Variants in LIFR observed in about 807,000 individuals in gnomAD.
LIFR encodes the protein leukemia inhibitory factor receptor.
A neutral mutation model predicts 122.2 loss-of-function variants in LIFR; 84 were observed. The observed-to-expected ratio is 0.69, with a 90% CI of 0.58 to 0.82. LIFR has a LOEUF of 0.82. Among genes scored for constraint, LIFR ranks in the 40% least tolerant of loss-of-function variants. LIFR has a pLI of 0.00. For synonymous variants in LIFR, 422 were observed against 434.7 expected (o/e 0.97, Z 0.36); for missense variants, 1,294 against 1,311.6 (o/e 0.99, Z 0.21).
chr5:38,569,520 G>T (rs1749139859), intron 1 of LIFR, among the ~76,000 whole-genome samples: 1 of 152,196 alleles, frequency 6.6e-6, no homozygotes, highest in Admixed American at 6.5e-5. Flanking sequence ...ACATGTAAGG[G>T]ATCTAGGTTG....
intron 2 of LIFR, among the ~76,000 whole-genome samples, chr5:38,601,218 G>T (rs377149234): frequency 1.3e-5 from 2 of 152,170 alleles, no homozygotes; most frequent in African/African-American, 4.8e-5. Flanking sequence ...TTTCTGCCAC[G>T]TGAGGACACA....
rs2731964 is a variant in LIFR at position 38,479,985 on chromosome 5, A to C, written c.*1610T>G. Reference sequence around the variant, plus strand: ...ATCAGGATTCATACACAGAGAACCTAAATAGATTTTGTCACTTGTCACTCT... The same window carrying C: ...ATCAGGATTCATACACAGAGAACCTCAATAGATTTTGTCACTTGTCACTCT... On this transcript the variant is annotated 3_prime_UTR_variant, in exon 20 of 20. Coordinates refer to ENST00000453190, the MANE Select transcript of LIFR (RefSeq NM_001127671.2). The C allele has an allele frequency of 7.2e-3, 1,622 of 224,232 alleles. 27 individuals are homozygous for C. Among genetic ancestry groups the C allele is most frequent in the African/African-American group, 0.034 (1,531 of 44,892 alleles). The allele number at this position is 224,232 out of a possible 1,614,324, so 13.9% of individuals were successfully genotyped here.
At chr5:38,543,847 T>C (rs927085254) in intron 1 of LIFR, among the ~76,000 whole-genome samples, 11 of 152,208 alleles carry the variant, frequency 7.2e-5, no homozygotes, top group Admixed American at 6.5e-4. Flanking sequence ...ACTTTCTACC[T>C]GACTTTTCTC....
intron 5 of LIFR, among the ~76,000 whole-genome samples, chr5:38,514,921 T>C (rs1466030689): frequency 1.3e-5 from 2 of 152,204 alleles, no homozygotes; most frequent in Non-Finnish European, 2.9e-5. Flanking sequence ...CTTTGAATTC[T>C]GGTATCTAAG....
intron 5 of LIFR, among the ~76,000 whole-genome samples, chr5:38,516,236 C>G (rs1746074011): frequency 6.6e-6 from 1 of 152,066 alleles, no homozygotes. Context: ...TCAGAGTGTC[C>G]CTCTTTAATT....
At chr5:38,587,421 T>A (rs1458684102) in intron 1 of LIFR, among the ~76,000 whole-genome samples, 1 of 150,684 alleles carries the variant, frequency 6.6e-6, no homozygotes, top group Non-Finnish European at 1.5e-5. Context: ...TGAGACAAGA[T>A]GCTGTTGGAC....
rs2112393633 is a variant in LIFR, at chr5:38,489,246, C to T, written c.2168-1G>A. The T allele has an allele frequency of 6.2e-7, 1 of 1,611,146 alleles. No individual in the cohort carries two copies. The highest frequency in any genetic ancestry group is 8.5e-7 in the Non-Finnish European group (1 of 1,178,628). On this transcript the variant is annotated splice_acceptor_variant, in intron 15 of 19. Coordinates refer to ENST00000453190, the MANE Select transcript of LIFR (RefSeq NM_001127671.2). LOFTEE classifies it high-confidence loss of function. ...GTAAAATTTGGTGCAACAATGGGAG[C>T]TGTAAAAGGAAAAAGTCAATTGCTA...
intron 5 of LIFR, among the ~76,000 whole-genome samples, chr5:38,517,856 C>CGAAAAAAAAAAAA (rs1746174413): frequency 6.6e-5 from 1 of 15,048 alleles, no homozygotes; most frequent in African/African-American, 4.4e-4. Flanking sequence ...GACACTGTCT[C>CGAAAAAAAAAAAA]AAAAAAAAAA....
chr5:38,580,303 A>G (rs959828976), intron 1 of LIFR, among the ~76,000 whole-genome samples: 11 of 152,128 alleles, frequency 7.2e-5, no homozygotes, highest in African/African-American at 1.9e-4. Context: ...TGCCACAAAC[A>G]GAGGTGGCTG....
At chr5:38,483,013 G>A (rs1328019320) in intron 18 of LIFR, among the ~76,000 whole-genome samples, 1 of 152,164 alleles carries the variant, frequency 6.6e-6, no homozygotes, top group Non-Finnish European at 1.5e-5. Flanking sequence ...TTACTGAGGT[G>A]GTTAAAAAGG....
rs748647105 is a variant in LIFR, at chr5:38,493,674, C to A, written c.1997G>T (p.Arg666Leu). 6 of 1,614,008 alleles carry A rather than the reference C, an allele frequency of 3.7e-6. No individual in the cohort carries two copies. Among genetic ancestry groups the A allele is most frequent in the South Asian group, 3.3e-5 (3 of 91,076 alleles). Reference sequence around the variant, plus strand: ...CCAGTCCATAAGGCATGGTTCCGACCGAGACGAGTTACACCACTTAATGAC... The same window carrying A: ...CCAGTCCATAAGGCATGGTTCCGACAGAGACGAGTTACACCACTTAATGAC... ...DYVIKWCNSS[R>L]SEPCLMDWRK... Residue 666 changes from arginine (R) to leucine (L), a missense_variant, in exon 14 of 20, where the codon CGG (arginine) becomes CTG (leucine). Transcript: ENST00000453190.
chr5:38,585,195 T>C (rs976883960), intron 1 of LIFR, among the ~76,000 whole-genome samples: 1 of 152,176 alleles, frequency 6.6e-6, no homozygotes, highest in Admixed American at 6.5e-5. Context: ...AGAAAAACAG[T>C]ACAACATACT....
intron 1 of LIFR, among the ~76,000 whole-genome samples, chr5:38,546,383 T>C (rs1216083397): frequency 6.6e-6 from 1 of 152,352 alleles, no homozygotes; most frequent in South Asian, 2.1e-4. Flanking sequence ...GCTTTGCCTT[T>C]AGATGTGTTT....
chr5:38,596,824 G>C (rs1750109808), upstream of LIFR, among the ~76,000 whole-genome samples: 2 of 151,882 alleles, frequency 1.3e-5, no homozygotes, highest in Non-Finnish European at 2.9e-5. Flanking sequence ...CTCATTTTTG[G>C]CGGTGACCTG....
At chr5:38,520,123 C>T (rs1303747663) in intron 5 of LIFR, among the ~76,000 whole-genome samples, 1 of 152,096 alleles carries the variant, frequency 6.6e-6, no homozygotes, top group African/African-American at 2.4e-5. Context: ...CACATCCTCA[C>T]CAATATATAA....
intron 1 of LIFR, among the ~76,000 whole-genome samples, chr5:38,567,098 A>T (rs528775919): frequency 6.6e-6 from 1 of 152,314 alleles, no homozygotes; most frequent in African/African-American, 2.4e-5. Context: ...CCAGCTCCTT[A>T]GGTCCAATTC....
chr5:38,567,547 G>A (rs200837927), intron 1 of LIFR, among the ~76,000 whole-genome samples: 1 of 25,106 alleles, frequency 4.0e-5, no homozygotes, highest in Non-Finnish European at 1.0e-4. Flanking sequence ...TATTTATTTT[G>A]AAGACTGAGT....
chr5:38,544,467 T>C (rs762687360), intron 1 of LIFR, among the ~76,000 whole-genome samples: 1 of 152,070 alleles, frequency 6.6e-6, no homozygotes, highest in Non-Finnish European at 1.5e-5. Context: ...ATTCCTATCA[T>C]GGGGAATCAC....
At chr5:38,500,959 A>G (rs1457203699) in intron 11 of LIFR, among the ~76,000 whole-genome samples, 3 of 152,140 alleles carry the variant, frequency 2.0e-5, no homozygotes. Context: ...AGGCCTAGAG[A>G]GAGGCCCACA....
Sources: allele counts gnomAD v4.1 joint callset (sites outside exome capture counted in the v4.1 genomes callset), GRCh38; gene constraint gnomAD v4.1.1; transcripts MANE v1.5; gene names NCBI Gene and HGNC (gene_info 2026-07-23, HGNC 2026-07-21).